The following PCDHB10 variants were observed in gnomAD, a reference collection of about 807,000 sequenced individuals.
PCDHB10 encodes the protein protocadherin beta-10.
For synonymous variants in PCDHB10, 448 were observed against 449.2 expected (o/e 1.00, Z 0.04); for missense variants, 1,046 against 1,004.7 (o/e 1.04, Z -0.56).
Position 141,192,724 on chromosome 5 carries a change from G to A in PCDHB10, c.172G>A (p.Glu58Lys), listed in dbSNP as rs782252306. 1 of 1,612,360 alleles carries A rather than the reference G, an allele frequency of 6.2e-7. No homozygotes were observed. The highest frequency in any genetic ancestry group is 8.5e-7 in the Non-Finnish European group (1 of 1,178,942). Residue 58 changes from glutamate (E) to lysine (K), a missense_variant, in exon 1 of 1, where the codon GAG becomes AAG. Transcript: ENST00000239446. The stretch of plus-strand genomic sequence containing the variant: ...AAAGGATCTGGGACTAGCAGAGGGG[G>A]AGCTGGCTGCAAGGGGAACCAGGGT... ...LAKDLGLAEG[E>K]LAARGTRVVS...
In PCDHB10 at chr5:141,193,790, T is replaced by G. The variant is rs77535010; in HGVS notation, c.1238T>G (p.Ile413Ser). The G allele has an allele frequency of 3.4e-5, 55 of 1,613,792 alleles. No homozygotes were observed. The African/African-American group carries it at 6.6e-4, about 19-fold the overall frequency. Residue 413 changes from isoleucine (I) to serine (S), a missense_variant, in exon 1 of 1, where the codon ATC becomes AGC. Transcript: ENST00000239446. ...LITEGALDRE[I>S]RAEYNITITV... ...ACAGAAGGCGCGCTGGACAGAGAGATCAGAGCCGAGTACAACATCACTATC... is the reference window on the plus strand; with the variant it reads ...ACAGAAGGCGCGCTGGACAGAGAGAGCAGAGCCGAGTACAACATCACTATC...
rs1753948790 is a variant in PCDHB10 at position 141,193,209 on chromosome 5, TCCATCCAGGTCTGGGA to T, written c.660_675del (p.Ser221LeufsTer44). ...CCCTCACAGCGCTGGATGGTGGGTC[TCCATCCAGGTCTGGGA>T]CCTCTACTGTACGCATCGTTGTCTT... On this transcript the variant is annotated frameshift_variant, in exon 1 of 1. Coordinates refer to ENST00000239446, the MANE Select transcript of PCDHB10 (RefSeq NM_018930.4). LOFTEE classifies it low-confidence loss of function (END_TRUNC). The T allele has an allele frequency of 1.9e-6, 3 of 1,613,914 alleles. No individual in the cohort carries two copies. The highest frequency in any genetic ancestry group is 2.5e-6 in the Non-Finnish European group (3 of 1,179,986).
chr5:141,194,433 C>G lies in PCDHB10; in HGVS notation c.1881C>G (p.Ala627=), dbSNP rs1754000652. Residue 627 remains alanine (A), a synonymous_variant, in exon 1 of 1, where the codon GCC becomes GCG. Coordinates refer to ENST00000239446, the MANE Select transcript of PCDHB10 (RefSeq NM_018930.4). ...VWAHNGEVRT[A]RLLSERDAAK... The stretch of plus-strand genomic sequence containing the variant: ...CGCACAATGGGGAGGTGCGCACCGC[C>G]AGGCTGCTGAGCGAGCGCGACGCAG... 3 of 1,603,798 alleles carry G rather than the reference C, an allele frequency of 1.9e-6. No individual in the cohort carries two copies. Among genetic ancestry groups the G allele is most frequent in the Non-Finnish European group, 2.5e-6 (3 of 1,179,486 alleles).
rs782618256 is a variant in PCDHB10 at position 141,193,475 on chromosome 5, A to T, written c.923A>T (p.Asp308Val). The part of the protein sequence containing the change: ...SGEIFLRELL[D>V]YELVNSYKIN... The stretch of plus-strand genomic sequence containing the variant: ...GAAATCTTTCTCAGAGAATTGCTTG[A>T]TTATGAGTTAGTAAATTCTTACAAA... Residue 308 changes from aspartate (D) to valine (V), a missense_variant, in exon 1 of 1, where the codon GAT becomes GTT. Transcript: ENST00000239446. 4.3e-6 allele frequency: 7 copies of T among 1,614,058 alleles called. No homozygotes were observed. In the Admixed American group the frequency reaches 1.2e-4, roughly 27 times the overall value.
chr5:141,194,077 G>T lies in PCDHB10; in HGVS notation c.1525G>T (p.Asp509Tyr), dbSNP rs782570337. ...PLASLVSINADNGHLFALRSL... is the reference protein window; with the variant it reads ...PLASLVSINAYNGHLFALRSL... ...CGCCTCCCTGGTCTCCATCAACGCGGACAACGGCCACCTGTTCGCCCTCAG... is the reference window on the plus strand; with the variant it reads ...CGCCTCCCTGGTCTCCATCAACGCGTACAACGGCCACCTGTTCGCCCTCAG... The change falls in exon 1 of 1, where the codon GAC (aspartate) becomes TAC (tyrosine). Residue 509 changes from aspartate (D) to tyrosine (Y), a missense_variant. Transcript: ENST00000239446. 2.5e-6 allele frequency: 4 copies of T among 1,605,886 alleles called. No individual in the cohort carries two copies. The highest frequency in any genetic ancestry group is 8.5e-7 in the Non-Finnish European group (1 of 1,176,326).
At position 141,194,674 on chromosome 5, in the gene PCDHB10, C is replaced by A. The variant is rs1231006865; in HGVS notation, c.2122C>A (p.Leu708Ile). ...GTCTTCGCTCTTCCTCCTCTCGGTG[C>A]TCCTGTTCGTGGCGGTGCGGCTGTG... Reference protein sequence around the residue: ...SVSSLFLLSVLLFVAVRLCRR... With the variant: ...SVSSLFLLSVILFVAVRLCRR... The change falls in exon 1 of 1, where the codon CTC becomes ATC. Residue 708 changes from leucine (L) to isoleucine (I), a missense_variant. Leu to Ile is a conservative substitution (Grantham distance 5). Transcript: ENST00000239446. The A allele has an allele frequency of 1.2e-6, 2 of 1,606,376 alleles. No individual in the cohort carries two copies. The highest frequency in any genetic ancestry group is 1.7e-6 in the Non-Finnish European group (2 of 1,179,598).
rs781785072 is a variant in PCDHB10, at chr5:141,193,713, G to T, written c.1161G>T (p.Glu387Asp). 3.1e-6 allele frequency: 5 copies of T among 1,614,130 alleles called. No individual in the cohort carries two copies. The East Asian group carries it at 6.7e-5, about 22-fold the overall frequency. ...GAAAGATGGTTTGCTACATTCAAGA[G>T]AATCTGCCATTCCTACTAAAACCTT... is the stretch of plus-strand genomic sequence containing the variant. ...ENGKMVCYIQENLPFLLKPSV... is the reference protein window; with the variant it reads ...ENGKMVCYIQDNLPFLLKPSV... The change falls in exon 1 of 1, where the codon GAG (glutamate) becomes GAT (aspartate). Residue 387 changes from glutamate to aspartate, a missense_variant. Physicochemically the swap from Glu to Asp is conservative, Grantham distance 45. Coordinates refer to ENST00000239446, the MANE Select transcript of PCDHB10 (RefSeq NM_018930.4).
In PCDHB10 at chr5:141,193,065, G is replaced by T. The variant is rs559242444; in HGVS notation, c.513G>T (p.Thr171=). The T allele has an allele frequency of 2.7e-5, 44 of 1,614,028 alleles. 1 individual carries two copies. The highest frequency in any genetic ancestry group is 3.5e-5 in the Non-Finnish European group (41 of 1,180,030). ...DGGLNGIQNY[T]ISPNSFFHIN... Reference sequence around the variant, plus strand: ...GACTTAACGGTATCCAAAACTACACGATCAGCCCCAACTCTTTTTTCCATA... The same window carrying T: ...GACTTAACGGTATCCAAAACTACACTATCAGCCCCAACTCTTTTTTCCATA... The change falls in exon 1 of 1, where the codon ACG becomes ACT. Residue 171 remains threonine, a synonymous_variant. Transcript: ENST00000239446.
At position 141,193,236 on chromosome 5, in the gene PCDHB10, A is replaced by C. The variant is rs201190122; in HGVS notation, c.684A>C (p.Val228=). 2.5e-6 allele frequency: 4 copies of C among 1,614,054 alleles called. No homozygotes were observed. Among genetic ancestry groups the C allele is most frequent in the Non-Finnish European group, 3.4e-6 (4 of 1,180,030 alleles). The stretch of plus-strand genomic sequence containing the variant: ...CATCCAGGTCTGGGACCTCTACTGT[A>C]CGCATCGTTGTCTTGGACGTCAATG... The part of the protein sequence containing the change: ...GSPSRSGTST[V]RIVVLDVNDN... Residue 228 remains valine (V), a synonymous_variant, in exon 1 of 1, where the codon GTA becomes GTC. Transcript: ENST00000239446.
rs962663675 is a variant in PCDHB10, at chr5:141,193,596, C to G, written c.1044C>G (p.Ile348Met). The G allele has an allele frequency of 6.2e-7, 1 of 1,614,080 alleles. No homozygotes were observed. The highest frequency in any genetic ancestry group is 2.2e-5 in the East Asian group (1 of 44,878). Residue 348 changes from isoleucine to methionine, a missense_variant, in exon 1 of 1, where the codon ATC becomes ATG. Transcript: ENST00000239446. Reference protein sequence around the residue: ...LDTNDNPPELIVSSFSNSVAE... With the variant: ...LDTNDNPPELMVSSFSNSVAE... ...CCAATGACAATCCCCCTGAACTGATCGTATCATCATTTTCCAACTCTGTTG... is the reference window on the plus strand; with the variant it reads ...CCAATGACAATCCCCCTGAACTGATGGTATCATCATTTTCCAACTCTGTTG...
In PCDHB10 at chr5:141,192,927, T is replaced by C. The variant is rs1332185700; in HGVS notation, c.375T>C (p.Asp125=). The change falls in exon 1 of 1, where the codon GAT becomes GAC. Residue 125 remains aspartate (D), a synonymous_variant. Transcript: ENST00000239446. ...QIYRAELRVR[D]INDHAPVFQD... is the part of the protein sequence containing the mutation. ...ACCGGGCTGAGCTGAGAGTCAGGGA[T>C]ATAAATGATCACGCGCCAGTATTTC... 5.6e-6 allele frequency: 9 copies of C among 1,614,004 alleles called. No individual in the cohort carries two copies. In the East Asian group the frequency reaches 1.8e-4, roughly 32 times the overall value.
chr5:141,193,840 A>G lies in PCDHB10; in HGVS notation c.1288A>G (p.Arg430Gly). The change falls in exon 1 of 1, where the codon AGG becomes GGG. Residue 430 changes from arginine (R) to glycine (G), a missense_variant. Transcript: ENST00000239446. Reference protein sequence around the residue: ...TITVTDLGTPRLKTEHNITVL... With the variant: ...TITVTDLGTPGLKTEHNITVL... ...CACCGTCACTGACTTGGGGACACCC[A>G]GGCTGAAAACCGAGCACAACATAAC... 1 of 1,614,174 alleles carries G rather than the reference A, an allele frequency of 6.2e-7. No homozygotes were observed. The highest frequency in any genetic ancestry group is 8.5e-7 in the Non-Finnish European group (1 of 1,180,040).
rs146513187 is a variant in PCDHB10 at position 141,194,772 on chromosome 5, C to A, written c.2220C>A (p.Asp740Glu). 6.2e-7 allele frequency: 1 copy of A among 1,614,036 alleles called. No individual in the cohort carries two copies. The highest frequency in any genetic ancestry group is 1.1e-5 in the South Asian group (1 of 91,076). ...PEGPFPGHLV[D>E]VRGAETLSQS... is the part of the protein sequence containing the mutation. ...GTCCTTTTCCAGGGCATCTGGTGGA[C>A]GTGAGGGGCGCTGAGACCCTGTCCC... Residue 740 changes from aspartate to glutamate, a missense_variant, in exon 1 of 1, where the codon GAC (aspartate) becomes GAA (glutamate). By Grantham distance (45) the Asp-to-Glu change is conservative. Transcript: ENST00000239446.
Position 141,193,902 on chromosome 5 carries a change from C to G in PCDHB10, c.1350C>G (p.Ala450=). The change falls in exon 1 of 1, where the codon GCC becomes GCG. Residue 450 remains alanine (A), a synonymous_variant. Coordinates refer to ENST00000239446, the MANE Select transcript of PCDHB10 (RefSeq NM_018930.4). ...LVSDVNDNAP[A]FTQTSYTLFV... The stretch of plus-strand genomic sequence containing the variant: ...CCGACGTCAATGACAACGCCCCCGC[C>G]TTCACCCAAACCTCCTACACCCTGT... 1 of 1,613,614 alleles carries G rather than the reference C, an allele frequency of 6.2e-7. No homozygotes were observed. The highest frequency in any genetic ancestry group is 8.5e-7 in the Non-Finnish European group (1 of 1,180,022).
At position 141,194,394 on chromosome 5, in the gene PCDHB10, G is replaced by T. The variant is rs782793760; in HGVS notation, c.1842G>T (p.Leu614=). ...YQLLKATEPG[L]FGVWAHNGEV... ...TGCTCAAGGCCACGGAGCCCGGGCT[G>T]TTCGGTGTGTGGGCGCACAATGGGG... Residue 614 remains leucine, a synonymous_variant, in exon 1 of 1, where the codon CTG becomes CTT. Transcript: ENST00000239446. 1.2e-5 allele frequency: 19 copies of T among 1,602,906 alleles called. No individual in the cohort carries two copies. In the East Asian group the frequency reaches 4.2e-4, roughly 36 times the overall value.
rs1554284187 is a variant in PCDHB10 at position 141,193,860 on chromosome 5, C to G, written c.1308C>G (p.Asn436Lys). 1 of 1,614,080 alleles carries G rather than the reference C, an allele frequency of 6.2e-7. No homozygotes were observed. The highest frequency in any genetic ancestry group is 2.2e-5 in the East Asian group (1 of 44,872). Residue 436 changes from asparagine to lysine, a missense_variant, in exon 1 of 1, where the codon AAC becomes AAG. By Grantham distance (94) the Asn-to-Lys change is moderately conservative (BLOSUM62 0). Coordinates refer to ENST00000239446, the MANE Select transcript of PCDHB10 (RefSeq NM_018930.4). ...CACCCAGGCTGAAAACCGAGCACAA[C>G]ATAACGGTCCTGGTCTCCGACGTCA... ...LGTPRLKTEH[N>K]ITVLVSDVND...
In PCDHB10 at chr5:141,194,148, C is replaced by T. The variant is rs142646601; in HGVS notation, c.1596C>T (p.Gly532=). Residue 532 remains glycine (G), a synonymous_variant, in exon 1 of 1, where the codon GGC becomes GGT. Transcript: ENST00000239446. The part of the protein sequence containing the change: ...EALQAFEFRV[G]ATDRGSPALS... ...TGCAGGCTTTCGAGTTCCGCGTGGGCGCCACAGACCGCGGCTCCCCCGCGC... is the reference window on the plus strand; with the variant it reads ...TGCAGGCTTTCGAGTTCCGCGTGGGTGCCACAGACCGCGGCTCCCCCGCGC... 1.9e-6 allele frequency: 3 copies of T among 1,604,304 alleles called. No individual in the cohort carries two copies. The South Asian group carries it at 3.3e-5, about 18-fold the overall frequency.
Position 141,192,620 on chromosome 5 carries a change from T to C in PCDHB10, c.68T>C (p.Val23Ala), listed in dbSNP as rs17844550. 1 of 1,613,846 alleles carries C rather than the reference T, an allele frequency of 6.2e-7. No individual in the cohort carries two copies. Residue 23 changes from valine (V) to alanine (A), a missense_variant, in exon 1 of 1, where the codon GTG (valine) becomes GCG (alanine). Transcript: ENST00000239446. ...QVLFLFLFWG[V>A]SLAGSGFGRY... Reference sequence around the variant, plus strand: ...CTGTTTCTTTTTCTTTTTTGGGGAGTGTCCTTGGCAGGTTCTGGGTTTGGA... The same window carrying C: ...CTGTTTCTTTTTCTTTTTTGGGGAGCGTCCTTGGCAGGTTCTGGGTTTGGA...
rs781965915 is a variant in PCDHB10 at position 141,193,002 on chromosome 5, A to G, written c.450A>G (p.Thr150=). Residue 150 remains threonine, a synonymous_variant, in exon 1 of 1, where the codon ACA becomes ACG. Coordinates refer to ENST00000239446, the MANE Select transcript of PCDHB10 (RefSeq NM_018930.4). ...TATCAGAAAATACAGCTGAAGGGAC[A>G]GCATTTAGACTAGAAAGAGCACAGG... ...LKISENTAEG[T]AFRLERAQDP... 2.5e-6 allele frequency: 4 copies of G among 1,614,100 alleles called. No individual in the cohort carries two copies. The highest frequency in any genetic ancestry group is 1.1e-5 in the South Asian group (1 of 91,082).
Sources: allele counts gnomAD v4.1 joint callset, GRCh38; gene constraint gnomAD v4.1.1; transcripts MANE v1.5; gene names NCBI Gene and HGNC (gene_info 2026-07-23, HGNC 2026-07-21).